The following OPCML variants were observed in gnomAD, a reference collection of about 807,000 sequenced individuals.
The protein encoded by OPCML is opioid-binding protein/cell adhesion molecule.
In OPCML, 13 loss-of-function variants were observed where a neutral mutation model predicts 37.8. The observed-to-expected ratio is 0.34, with a 90% CI of 0.22 to 0.55. The LOEUF (loss-of-function observed/expected upper bound fraction) is 0.55. Ranked by LOEUF, OPCML falls within the 20% of genes least tolerant of loss-of-function variation. The probability of loss-of-function intolerance (pLI) is 0.91; values close to 1 mark genes in which losing one functional copy is unlikely to be tolerated. For missense variants in OPCML, 341 were observed against 435.6 expected (o/e 0.78, Z 1.93); for synonymous variants, 176 against 168.8 (o/e 1.04, Z -0.33).
intron 1 of OPCML, among the ~76,000 whole-genome samples, chr11:133,414,982 C>T (rs1400587727): frequency 6.6e-6 from 1 of 152,120 alleles, no homozygotes; most frequent in Admixed American, 6.6e-5. Flanking sequence ...GATCAAAACC[C>T]GCCTCAACAA....
intron 1 of OPCML, among the ~76,000 whole-genome samples, chr11:133,217,565 C>A (rs965853927): frequency 6.6e-6 from 1 of 152,168 alleles, no homozygotes; most frequent in Non-Finnish European, 1.5e-5. Flanking sequence ...CACGAGAGCC[C>A]ATGGAGGTGG....
At chr11:132,770,983 C>G (rs866171705) in intron 2 of OPCML, among the ~76,000 whole-genome samples, 1 of 152,192 alleles carries the variant, frequency 6.6e-6, no homozygotes, top group Non-Finnish European at 1.5e-5. Context: ...GCAGCCCTCA[C>G]TGTAGCTGGC....
At chr11:132,698,643 T>C (rs1943693992) in intron 2 of OPCML, among the ~76,000 whole-genome samples, 1 of 152,164 alleles carries the variant, frequency 6.6e-6, no homozygotes, top group Non-Finnish European at 1.5e-5. Context: ...TTGATGCAAT[T>C]CCATTTGTTC....
At chr11:133,347,209 C>A (rs936372860) in intron 1 of OPCML, among the ~76,000 whole-genome samples, 1 of 152,160 alleles carries the variant, frequency 6.6e-6, no homozygotes, top group African/African-American at 2.4e-5. Flanking sequence ...TTGTAAAGCA[C>A]GTGTGGCCTG....
chr11:132,887,514 T>A (rs981206793), intron 2 of OPCML, among the ~76,000 whole-genome samples: 2 of 152,174 alleles, frequency 1.3e-5, no homozygotes, highest in East Asian at 3.9e-4. Flanking sequence ...CCGAGTACAA[T>A]GAACAACATC....
intron 2 of OPCML, among the ~76,000 whole-genome samples, chr11:132,807,564 T>C (rs556467256): frequency 2.0e-5 from 3 of 152,328 alleles, no homozygotes; most frequent in East Asian, 3.9e-4. Context: ...TGGTTCTGAA[T>C]GGGGCTGGCC....
chr11:133,495,258 G>A (rs531552059), intron 1 of OPCML, among the ~76,000 whole-genome samples: 4 of 152,258 alleles, frequency 2.6e-5, no homozygotes, highest in African/African-American at 7.2e-5. Context: ...TGGCTGAGTA[G>A]TATTCCATTG....
intron 1 of OPCML, among the ~76,000 whole-genome samples, chr11:133,276,127 T>C (rs954081862): frequency 1.3e-5 from 2 of 152,190 alleles, no homozygotes; most frequent in African/African-American, 4.8e-5. Flanking sequence ...ATGGAAAATA[T>C]GTCTTTCTTT....
chr11:132,826,736 T>G (rs1043968685), intron 2 of OPCML, among the ~76,000 whole-genome samples: 11 of 152,354 alleles, frequency 7.2e-5, no homozygotes, highest in African/African-American at 2.2e-4. Context: ...CTGATTTCTC[T>G]GAGTCTTGGC....
intron 1 of OPCML, among the ~76,000 whole-genome samples, chr11:133,387,616 C>T (rs764658232): frequency 2.0e-5 from 3 of 152,234 alleles, no homozygotes; most frequent in Non-Finnish European, 2.9e-5. Context: ...AATTCCTTCA[C>T]TCAGTGTTTG....
At chr11:133,454,846 T>C (rs192864113) in intron 1 of OPCML, among the ~76,000 whole-genome samples, 43 of 152,300 alleles carry the variant, frequency 2.8e-4, no homozygotes, top group African/African-American at 9.4e-4. Context: ...CAACATTTCC[T>C]TTCTTGATAC....
At chr11:133,507,443 AAT>A (rs1336317721) in intron 1 of OPCML, among the ~76,000 whole-genome samples, 3 of 152,078 alleles carry the variant, frequency 2.0e-5, no homozygotes, top group African/African-American at 7.2e-5. Flanking sequence ...GTAGAGAGGA[AAT>A]TGGGGCTGAG....
intron 1 of OPCML, among the ~76,000 whole-genome samples, chr11:133,340,608 CTGTGTGTGTGTGTGTG>C (rs5795838): frequency 3.7e-4 from 51 of 139,516 alleles, no homozygotes; most frequent in African/African-American, 1.2e-3. Flanking sequence ...AAGACTCTCT[CTGTGTGTGTGTGTGTG>C]TGTGTGTGTG....
At chr11:132,519,564 A>C (rs907669087) in intron 4 of OPCML, among the ~76,000 whole-genome samples, 1 of 152,110 alleles carries the variant, frequency 6.6e-6, no homozygotes, top group African/African-American at 2.4e-5. Flanking sequence ...CCAAAGCGAA[A>C]ATGTACGCAA....
chr11:133,229,565 T>C (rs1940187504), intron 1 of OPCML, among the ~76,000 whole-genome samples: 1 of 152,068 alleles, frequency 6.6e-6, no homozygotes, highest in African/African-American at 2.4e-5. Context: ...CACCATGCAT[T>C]TTCCCTCACC....
intron 1 of OPCML, among the ~76,000 whole-genome samples, chr11:133,128,563 C>A (rs541642656): frequency 6.6e-6 from 1 of 152,282 alleles, no homozygotes; most frequent in Non-Finnish European, 1.5e-5. Context: ...GTAGTCCCTG[C>A]CAGTGGAGAG....
chr11:132,435,446 C>T (rs2096009807), intron 7 of OPCML, among the ~76,000 whole-genome samples: 1 of 152,196 alleles, frequency 6.6e-6, no homozygotes, highest in South Asian at 2.1e-4. Flanking sequence ...GGCCCTGGCC[C>T]ATGGTGTGAA....
intron 2 of OPCML, among the ~76,000 whole-genome samples, chr11:132,682,524 T>C (rs938618452): frequency 2.6e-5 from 4 of 152,176 alleles, no homozygotes; most frequent in Non-Finnish European, 5.9e-5. Flanking sequence ...ACAATCATCT[T>C]TGGGACATTA....
At chr11:133,431,541 C>T (rs561745272) in intron 1 of OPCML, among the ~76,000 whole-genome samples, 1 of 152,168 alleles carries the variant, frequency 6.6e-6, no homozygotes, top group South Asian at 2.1e-4. Flanking sequence ...TCTCAGCTCA[C>T]CGCAACCTCC....
Sources: allele counts gnomAD v4.1 joint callset (sites outside exome capture counted in the v4.1 genomes callset), GRCh38; gene constraint gnomAD v4.1.1; transcripts MANE v1.5; gene names NCBI Gene and HGNC (gene_info 2026-07-23, HGNC 2026-07-21).